ASIC2: variants seen among roughly 807,000 people sequenced by gnomAD.
The protein encoded by ASIC2 is acid-sensing ion channel 2.
In ASIC2, 25 loss-of-function variants were observed where a neutral mutation model predicts 57.3. The ratio of observed to expected loss-of-function variants is 0.44; its 90% confidence interval spans 0.32 to 0.61. The LOEUF (loss-of-function observed/expected upper bound fraction) is 0.61. ASIC2 is among the 20% of genes least tolerant of loss of function. ASIC2 has a pLI of 0.06. For synonymous variants in ASIC2, 319 were observed against 307.5 expected (o/e 1.04, Z -0.39); for missense variants, 641 against 738.1 (o/e 0.87, Z 1.52).
intron 7 of ASIC2, among the ~76,000 whole-genome samples, chr17:33,020,623 C>T (rs374848755): frequency 3.3e-5 from 5 of 152,106 alleles, no homozygotes; most frequent in East Asian, 3.8e-4. Flanking sequence ...CCACTGGAGC[C>T]GGGGAGCTCA....
chr17:33,836,773 A>C (rs1273275090), intron 1 of ASIC2, among the ~76,000 whole-genome samples: 1 of 151,814 alleles, frequency 6.6e-6, no homozygotes, highest in African/African-American at 2.4e-5. Flanking sequence ...GAGTCGCTTG[A>C]ATCTGGGAGG....
intron 1 of ASIC2, among the ~76,000 whole-genome samples, chr17:33,338,557 G>A (rs320638): frequency 0.67 from 102,461 of 152,028 alleles, 35,403 homozygotes; most frequent in East Asian, 0.97. Flanking sequence ...GTGCGTGCAC[G>A]AATGATCAGA....
intron 1 of ASIC2, among the ~76,000 whole-genome samples, chr17:33,606,221 G>A (rs973106020): frequency 6.6e-6 from 1 of 152,184 alleles, no homozygotes; most frequent in African/African-American, 2.4e-5. Context: ...GAGAATAAAA[G>A]ACGATTCTCG....
At chr17:33,653,507 T>C (rs998024826) in intron 1 of ASIC2, among the ~76,000 whole-genome samples, 1 of 151,866 alleles carries the variant, frequency 6.6e-6, no homozygotes, top group East Asian at 1.9e-4. Context: ...ACTGGTGTAG[T>C]CTCCTGGAAT....
intron 1 of ASIC2, among the ~76,000 whole-genome samples, chr17:33,193,999 C>G (rs1374201316): frequency 6.6e-6 from 1 of 152,162 alleles, no homozygotes; most frequent in South Asian, 2.1e-4. Context: ...GGGAGCCTAC[C>G]CTAAGACACC....
chr17:33,450,510 A>C (rs1423888002), intron 1 of ASIC2, among the ~76,000 whole-genome samples: 1 of 152,152 alleles, frequency 6.6e-6, no homozygotes, highest in Non-Finnish European at 1.5e-5. Flanking sequence ...ATTCTGGGAT[A>C]CTTTTCTCTG....
chr17:33,605,265 G>A (rs1002543650), intron 1 of ASIC2, among the ~76,000 whole-genome samples: 5 of 152,214 alleles, frequency 3.3e-5, no homozygotes, highest in Admixed American at 1.3e-4. Context: ...CTGCTGCAGC[G>A]GGGAGCCCAG....
At chr17:33,309,950 C>A (rs962339383) in intron 1 of ASIC2, among the ~76,000 whole-genome samples, 1 of 145,702 alleles carries the variant, frequency 6.9e-6, no homozygotes, top group African/African-American at 2.6e-5. Context: ...TCCCCTCCAC[C>A]CCATGGAGTC....
intron 1 of ASIC2, among the ~76,000 whole-genome samples, chr17:33,240,173 C>T (rs1371359147): frequency 1.3e-5 from 2 of 152,170 alleles, no homozygotes; most frequent in Non-Finnish European, 2.9e-5. Context: ...CCATCCCTGC[C>T]CTGACCTGAG....
At chr17:33,486,506 G>A (rs530673515) in intron 1 of ASIC2, among the ~76,000 whole-genome samples, 4 of 152,282 alleles carry the variant, frequency 2.6e-5, no homozygotes, top group Admixed American at 1.3e-4. Flanking sequence ...AAGCATGGAC[G>A]AATCACTTTT....
intron 1 of ASIC2, among the ~76,000 whole-genome samples, chr17:33,325,960 T>G (rs1445369811): frequency 6.6e-6 from 1 of 152,134 alleles, no homozygotes; most frequent in Non-Finnish European, 1.5e-5. Flanking sequence ...GAAAAGCTGA[T>G]AGGTAGAGAA....
At chr17:33,813,500 A>G (rs1028949309) in intron 1 of ASIC2, among the ~76,000 whole-genome samples, 1 of 152,116 alleles carries the variant, frequency 6.6e-6, no homozygotes, top group East Asian at 1.9e-4. Context: ...GCAGTGGCAC[A>G]ATCTTGGCTC....
At chr17:33,999,955 C>G (rs73278420) in intron 1 of ASIC2, among the ~76,000 whole-genome samples, 17,421 of 151,842 alleles carry the variant, frequency 0.11, 1,753 homozygotes, top group African/African-American at 0.25. Context: ...TGATGATCTC[C>G]CACAGATTTT....
chr17:33,443,067 G>T (rs1339174045), intron 1 of ASIC2, among the ~76,000 whole-genome samples: 6 of 152,126 alleles, frequency 3.9e-5, no homozygotes, highest in Admixed American at 2.6e-4. Flanking sequence ...TTAATATGGT[G>T]TATTACATGA....
chr17:33,297,651 T>C (rs1179445514), upstream of ASIC2, among the ~76,000 whole-genome samples: 1 of 151,886 alleles, frequency 6.6e-6, no homozygotes, highest in Non-Finnish European at 1.5e-5. Flanking sequence ...GGCAAAACCC[T>C]GTCTCTACAA....
intron 1 of ASIC2, among the ~76,000 whole-genome samples, chr17:33,145,897 C>G (rs1904540243): frequency 6.6e-6 from 1 of 152,156 alleles, no homozygotes; most frequent in Admixed American, 6.5e-5. Flanking sequence ...CCCTGAGCAG[C>G]AAGAAGCCAT....
chr17:34,021,397 G>A (rs894089462), intron 1 of ASIC2, among the ~76,000 whole-genome samples: 3 of 152,176 alleles, frequency 2.0e-5, no homozygotes, highest in Admixed American at 6.5e-5. Context: ...TTATCTGGCC[G>A]ATACCTGCCT....
intron 1 of ASIC2, among the ~76,000 whole-genome samples, chr17:33,578,676 C>G (rs997321633): frequency 1.3e-5 from 2 of 152,078 alleles, no homozygotes; most frequent in African/African-American, 2.4e-5. Flanking sequence ...TTCACTCCCC[C>G]CTCCTCTTCC....
chr17:33,720,537 A>G (rs901574379), intron 1 of ASIC2, among the ~76,000 whole-genome samples: 1 of 152,208 alleles, frequency 6.6e-6, no homozygotes, highest in African/African-American at 2.4e-5. Flanking sequence ...GATTTACTAT[A>G]TAAAGGGTTC....
Sources: gnomAD v4.1 joint callset for allele counts (sites outside exome capture counted in the v4.1 genomes callset) on GRCh38, gnomAD v4.1.1 for gene constraint, MANE v1.5 for transcripts, NCBI Gene and HGNC (gene_info 2026-07-23, HGNC 2026-07-21) for gene names.